The following LY75 variants were observed in gnomAD, a reference collection of about 807,000 sequenced individuals.
LY75 encodes C-type lectin domain family 13 member B.
A neutral mutation model predicts 231.7 loss-of-function variants in LY75; 185 were observed. The observed-to-expected ratio is 0.80, with a 90% CI of 0.71 to 0.90. LY75 has a LOEUF of 0.90. Among genes scored for constraint, LY75 ranks in the 40% least tolerant of loss-of-function variants. LY75 has a pLI of 0.00. For synonymous variants in LY75, 668 were observed against 689.0 expected (o/e 0.97, Z 0.48); for missense variants, 1,947 against 2,050.2 (o/e 0.95, Z 0.97).
chr2:159,864,916 G>A lies in LY75; in HGVS notation c.2122C>T (p.Gln708Ter). 6 of 1,597,690 alleles carry A rather than the reference G, an allele frequency of 3.8e-6. No individual in the cohort carries two copies. The highest frequency in any genetic ancestry group is 5.1e-6 in the Non-Finnish European group (6 of 1,173,208). ...LHFLTDQFSG[Q>*]HWLWIGLNKR... ...TTCAAACCAATCCACAGCCAATGCT[G>A]GCCACTATGTAAAAAGCAAGTGTTA... is the stretch of plus-strand genomic sequence containing the variant. Residue 708 changes from glutamine to a stop codon, truncating the protein, a stop_gained, in exon 14 of 35, where the codon CAG becomes TAG. Transcript: ENST00000263636. LOFTEE classifies it high-confidence loss of function.
At chr2:159,898,653 C>T (rs1178166720) in intron 2 of LY75, 35 bp downstream of exon 2, 1 of 1,579,452 alleles carries the variant, frequency 6.3e-7, no homozygotes, top group African/African-American at 1.3e-5. Context: ...ACAAGCACAA[C>T]AGCAAATCGG....
chr2:159,850,450 T>C lies in LY75; in HGVS notation c.2901A>G (p.Lys967=). The part of the protein sequence containing the change: ...PFQNKCFLKI[K]PVSLTFSQAS... ...CTTGAGAAAATGTGAGAGACACGGG[T>C]TTGATCTTTAGAAAACACTGCAAAC... Residue 967 remains lysine (K), a synonymous_variant, in exon 22 of 35, where the codon AAA becomes AAG. Transcript: ENST00000263636. 1 of 1,613,386 alleles carries C rather than the reference T, an allele frequency of 6.2e-7. No homozygotes were observed.
intron 28 of LY75, among the ~76,000 whole-genome samples, chr2:159,823,196 C>G (rs1683354487): frequency 6.6e-6 from 1 of 152,030 alleles, no homozygotes; most frequent in African/African-American, 2.4e-5. Flanking sequence ...AGCTAAGAAC[C>G]TTGAAAAAAG....
intron 16 of LY75, 103 bp from the exon 17 acceptor site, chr2:159,855,042 G>A (rs1684509324): frequency 7.4e-6 from 11 of 1,478,184 alleles, no homozygotes; most frequent in Admixed American, 3.8e-5. Flanking sequence ...CAGTATTGTT[G>A]AGTCTTGTCC....
chr2:159,862,320 G>A (rs1019898163), intron 14 of LY75, among the ~76,000 whole-genome samples: 23 of 151,818 alleles, frequency 1.5e-4, no homozygotes, highest in East Asian at 3.9e-4. Flanking sequence ...TTAGCCGGGC[G>A]TGATGGCATG....
At chr2:159,819,454 A>T (rs1291150141) in intron 29 of LY75, among the ~76,000 whole-genome samples, 1 of 151,326 alleles carries the variant, frequency 6.6e-6, no homozygotes, top group East Asian at 1.9e-4. Flanking sequence ...TGACTTCCCC[A>T]CAATTTAAGC....
intron 34 of LY75, among the ~76,000 whole-genome samples, chr2:159,805,427 G>A (rs1682764302): frequency 6.6e-6 from 1 of 152,150 alleles, no homozygotes; most frequent in Non-Finnish European, 1.5e-5. Context: ...TCAAATGTAA[G>A]TGTTTTCCTA....
Position 159,808,487 on chromosome 2 carries a change from G to A in LY75, c.4784C>T (p.Thr1595Ile), listed in dbSNP as rs371748732. Residue 1595 changes from threonine (T) to isoleucine (I), a missense_variant, in exon 33 of 35, where the codon ACC becomes ATC. Thr to Ile is a moderately conservative substitution (Grantham distance 89, BLOSUM62 -1). Coordinates refer to ENST00000263636, the MANE Select transcript of LY75 (RefSeq NM_002349.4). ...SRLMRENNNI[T>I]MRVWLGLSQH... ...AGATAATCCAAGCCAAACTCTCATG[G>A]TAATGTTATTATTTTCCCTCATCAG... 1.3e-5 allele frequency: 21 copies of A among 1,613,658 alleles called. No homozygotes were observed. In the African/African-American group the frequency reaches 2.7e-4, roughly 21 times the overall value.
rs2292388 is a variant in LY75, at chr2:159,878,497, C to T, written c.1605-4G>A. On this transcript the variant is annotated splice_region_variant and splice_polypyrimidine_tract_variant and intron_variant, in intron 10 of 34. Transcript: ENST00000263636. Reference sequence around the variant, plus strand: ...ATTTAGGTATTCTTGCTCAAATCTACAAAAGGAGAATCAAATTGGCAAGTG... The same window carrying T: ...ATTTAGGTATTCTTGCTCAAATCTATAAAAGGAGAATCAAATTGGCAAGTG... 291,949 of 1,613,184 alleles carry T rather than the reference C, an allele frequency of 0.18. 29,198 individuals are homozygous for T. Among genetic ancestry groups the T allele is most frequent in the Admixed American group, 0.38 (22,928 of 59,882 alleles).
rs747656215 is a variant in LY75, at chr2:159,850,483, T to C, written c.2884-16A>G. The C allele has an allele frequency of 2.5e-6, 4 of 1,612,732 alleles. No homozygotes were observed. The highest frequency in any genetic ancestry group is 3.4e-6 in the Non-Finnish European group (4 of 1,179,270). On this transcript the variant is annotated splice_polypyrimidine_tract_variant and intron_variant, in intron 21 of 34. Transcript: ENST00000263636. ...TTAGAAAACACTGCAAACAAAGACATATGTGAAGCATGAGATTCCAGACAC... is the reference window on the plus strand; with the variant it reads ...TTAGAAAACACTGCAAACAAAGACACATGTGAAGCATGAGATTCCAGACAC...
chr2:159,842,173 G>T, intron 24 of LY75, 72 bp downstream of exon 24: 1 of 1,485,770 alleles, frequency 6.7e-7, no homozygotes, highest in South Asian at 1.2e-5. Flanking sequence ...TATAGAAAGT[G>T]ACTCTCTCTC....
intron 32 of LY75, among the ~76,000 whole-genome samples, chr2:159,809,737 G>A (rs1054612324): frequency 4.6e-5 from 7 of 151,560 alleles, no homozygotes; most frequent in Admixed American, 3.9e-4. Flanking sequence ...GAGCGCAGTG[G>A]CACAGTCTTG....
At chr2:159,864,307 C>G in intron 14 of LY75, among the ~76,000 whole-genome samples, 1 of 152,078 alleles carries the variant, frequency 6.6e-6, no homozygotes, top group Admixed American at 6.6e-5. Context: ...CCAAAAAAAT[C>G]CTTGTCCAGA....
In LY75 at chr2:159,804,911, G is replaced by A. The variant is rs558646110; in HGVS notation, c.*133C>T. 7.8e-6 allele frequency: 5 copies of A among 638,910 alleles called. No individual in the cohort carries two copies. Among genetic ancestry groups the A allele is most frequent in the Non-Finnish European group, 1.1e-5 (4 of 379,580 alleles). 39.6% of individuals were successfully genotyped at this position (638,910 alleles called of 1,614,324 possible). On this transcript the variant is annotated 3_prime_UTR_variant, in exon 35 of 35. Transcript: ENST00000263636. ...GAATTAACTGTGGATACCAGCACAT[G>A]CCTAAGATCTAAACAACTGAAAAAG...
At chr2:159,890,137 C>G in intron 4 of LY75, 76 bp downstream of exon 4, 1 of 1,540,042 alleles carries the variant, frequency 6.5e-7, no homozygotes, top group South Asian at 1.3e-5. Flanking sequence ...AGAAACACAT[C>G]TGGATATGAA....
At chr2:159,867,548 G>T (rs1055968645) in intron 13 of LY75, among the ~76,000 whole-genome samples, 1 of 152,178 alleles carries the variant, frequency 6.6e-6, no homozygotes, top group Non-Finnish European at 1.5e-5. Flanking sequence ...GGGTTAAGAA[G>T]AGATAGCGTA....
chr2:159,882,200 T>G lies in LY75; in HGVS notation c.1170A>C (p.Lys390Asn), dbSNP rs1033643856. ...NSWDKAHAKC[K>N]AFSSDLISIH... is the part of the protein sequence containing the mutation. The stretch of plus-strand genomic sequence containing the variant: ...TGCTGATTAGGTCACTACTGAAGGC[T>G]TTGCATTTCGCATGTGCCTTATCCC... The change falls in exon 7 of 35, where the codon AAA (lysine) becomes AAC (asparagine). Residue 390 changes from lysine (K) to asparagine (N), a missense_variant. Lys to Asn is a moderately conservative substitution (Grantham distance 94, BLOSUM62 0). Coordinates refer to ENST00000263636, the MANE Select transcript of LY75 (RefSeq NM_002349.4). 2 of 1,613,958 alleles carry G rather than the reference T, an allele frequency of 1.2e-6. No individual in the cohort carries two copies. Among genetic ancestry groups the G allele is most frequent in the African/African-American group, 1.3e-5 (1 of 74,918 alleles).
At chr2:159,867,845 G>T (rs2125864910) in intron 13 of LY75, among the ~76,000 whole-genome samples, 1 of 152,276 alleles carries the variant, frequency 6.6e-6, no homozygotes. Flanking sequence ...ATTAAGAGTT[G>T]CAAAGATCTC....
chr2:159,883,115 G>C, intron 6 of LY75, among the ~76,000 whole-genome samples: 1 of 139,278 alleles, frequency 7.2e-6, no homozygotes, highest in African/African-American at 2.6e-5. Context: ...AGCATCTCTG[G>C]GGACTGTTGT....
Sources: gnomAD v4.1 joint callset for allele counts (sites outside exome capture counted in the v4.1 genomes callset) on GRCh38, gnomAD v4.1.1 for gene constraint, MANE v1.5 for transcripts, NCBI Gene and HGNC (gene_info 2026-07-23, HGNC 2026-07-21) for gene names.